Variants in DDX60L observed in about 807,000 individuals in gnomAD.
DDX60L encodes the protein probable ATP-dependent RNA helicase DDX60-like.
A neutral mutation model predicts 211.6 loss-of-function variants in DDX60L; 191 were observed. That is an observed-to-expected ratio of 0.90 (90% CI 0.80 to 1.02). The LOEUF is 1.02. Ranked by LOEUF, DDX60L falls within the 50% of genes least tolerant of loss-of-function variation. DDX60L has a pLI of 0.00. For synonymous variants in DDX60L, 706 were observed against 694.1 expected (o/e 1.02, Z -0.27); for missense variants, 2,007 against 1,984.1 (o/e 1.01, Z -0.22).
chr4:168,429,213 T>G (rs1344461463), intron 13 of DDX60L, among the ~76,000 whole-genome samples: 1 of 152,142 alleles, frequency 6.6e-6, no homozygotes. Flanking sequence ...GACACGATCT[T>G]GGCTCACTGC....
At chr4:168,401,063 A>G (rs1291168777) in intron 25 of DDX60L, 85 bp from the exon 26 acceptor site, 17 of 1,232,682 alleles carry the variant, frequency 1.4e-5, no homozygotes, top group African/African-American at 6.0e-5. Flanking sequence ...AGGCCCCTCA[A>G]TCATCTGAAT....
intron 7 of DDX60L, among the ~76,000 whole-genome samples, chr4:168,453,631 T>C (rs922782141): frequency 2.0e-5 from 3 of 152,166 alleles, no homozygotes; most frequent in Admixed American, 6.5e-5. Context: ...TACAAACCCA[T>C]GGCAGGTTCA....
At chr4:168,425,386 A>G (rs1307038547) in intron 14 of DDX60L, among the ~76,000 whole-genome samples, 1 of 152,232 alleles carries the variant, frequency 6.6e-6, no homozygotes, top group African/African-American at 2.4e-5. Flanking sequence ...CACACGTGAA[A>G]AGGATCTGAG....
intron 36 of DDX60L, among the ~76,000 whole-genome samples, chr4:168,366,760 G>T (rs1740066364): frequency 6.6e-6 from 1 of 151,976 alleles, no homozygotes; most frequent in Non-Finnish European, 1.5e-5. Context: ...AAACAAAACA[G>T]TATGATTCCA....
intron 30 of DDX60L, among the ~76,000 whole-genome samples, chr4:168,381,586 TA>T (rs5863928): frequency 0.91 from 135,819 of 149,788 alleles, 62,647 homozygotes; most frequent in East Asian, 0.99. Flanking sequence ...CAATTTTTTT[TA>T]AAAAAAAAAA....
chr4:168,399,185 C>A (rs978368415), intron 26 of DDX60L, among the ~76,000 whole-genome samples: 4 of 152,220 alleles, frequency 2.6e-5, no homozygotes, highest in African/African-American at 9.6e-5. Context: ...ACCTGTAACA[C>A]AAACAGGGCT....
intron 37 of DDX60L, among the ~76,000 whole-genome samples, chr4:168,360,280 T>A (rs994328856): frequency 6.6e-6 from 1 of 152,186 alleles, no homozygotes; most frequent in African/African-American, 2.4e-5. Context: ...CTGTTTAAAC[T>A]CTTGAGATAC....
At chr4:168,408,956 C>G (rs564256119) in intron 22 of DDX60L, among the ~76,000 whole-genome samples, 5 of 152,302 alleles carry the variant, frequency 3.3e-5, no homozygotes, top group Admixed American at 3.3e-4. Context: ...CCTTTACATT[C>G]TTCTCCTGTT....
intron 8 of DDX60L, among the ~76,000 whole-genome samples, chr4:168,449,675 A>AAAAAAC (rs1755495612): frequency 1.4e-5 from 2 of 142,684 alleles, no homozygotes; most frequent in Non-Finnish European, 3.1e-5. Flanking sequence ...AGAAAAAAGA[A>AAAAAAC]AAAAATTACT....
At chr4:168,371,836 T>C (rs1579208256) in intron 35 of DDX60L, 73 bp from the exon 36 acceptor site, 3 of 1,369,244 alleles carry the variant, frequency 2.2e-6, no homozygotes, top group Non-Finnish European at 3.0e-6. Context: ...GAGATTTCCT[T>C]TGTATGAATC....
At chr4:168,381,891 G>A (rs543926253) in intron 30 of DDX60L, among the ~76,000 whole-genome samples, 1 of 152,184 alleles carries the variant, frequency 6.6e-6, no homozygotes, top group East Asian at 1.9e-4. Context: ...GTTATTATAT[G>A]AAAAACAATA....
In DDX60L at chr4:168,473,907, G is replaced by A. The variant is rs1032786037; in HGVS notation, c.-110-1098C>T. ...AGAACTCAACATTGCCACAGGATTG[G>A]TAAGTAGAAAAGTATTTATAGCCAA... On this transcript the variant is annotated intron_variant, in intron 1 of 37. Coordinates refer to ENST00000682922, the MANE Select transcript of DDX60L (RefSeq NM_001012967.3). Among the ~76,000 whole-genome samples, 3 of 152,174 alleles carry A rather than the reference G, an allele frequency of 2.0e-5. No homozygotes were observed. The South Asian group carries it at 6.2e-4, about 31-fold the overall frequency.
rs200428036 is a variant in DDX60L, at chr4:168,434,866, GA to G, written c.1295-1752del. ...AAACTTAAGCCCTGTTACAGACCCA[GA>G]ACCCCTTGATTGGAGAAAAGGCTAA... On this transcript the variant is annotated intron_variant, in intron 10 of 37. Coordinates refer to ENST00000682922, the MANE Select transcript of DDX60L (RefSeq NM_001012967.3). Among the ~76,000 whole-genome samples, 989 of 152,296 alleles carry G rather than the reference GA, an allele frequency of 6.5e-3. 12 individuals are homozygous for G. Among genetic ancestry groups the G allele is most frequent in the African/African-American group, 0.02 (819 of 41,568 alleles).
At chr4:168,392,006 A>T (rs1299371523) in intron 28 of DDX60L, among the ~76,000 whole-genome samples, 1 of 152,178 alleles carries the variant, frequency 6.6e-6, no homozygotes, top group Non-Finnish European at 1.5e-5. Context: ...ATGGGCATTG[A>T]TCTCTCTTGG....
chr4:168,445,360 C>T (rs759212523), intron 9 of DDX60L, among the ~76,000 whole-genome samples: 3,785 of 144,458 alleles, frequency 0.026, 85 homozygotes, highest in Non-Finnish European at 0.044. Context: ...AGACCAATAA[C>T]AGGAGCTGAA....
rs1175532589 is a variant in DDX60L, at chr4:168,400,874, A to G, written c.3443T>C (p.Phe1148Ser). 10 of 1,613,588 alleles carry G rather than the reference A, an allele frequency of 6.2e-6. No homozygotes were observed. Among genetic ancestry groups the G allele is most frequent in the African/African-American group, 1.3e-5 (1 of 75,030 alleles). Residue 1148 changes from phenylalanine (F) to serine (S), a missense_variant, in exon 26 of 38, where the codon TTT (phenylalanine) becomes TCT (serine). Phe to Ser is a radical substitution (Grantham distance 155, BLOSUM62 -2). Transcript: ENST00000682922. ...HPHTECHSYVFAIDEVLEKVR... is the reference protein window; with the variant it reads ...HPHTECHSYVSAIDEVLEKVR... ...TTTTTCAAGTACTTCATCTATTGCA[A>G]AGACATAACTATGACATTCAGTGTG...
At chr4:168,384,911 T>C in intron 29 of DDX60L, 99 bp from the exon 30 acceptor site, 1 of 1,225,286 alleles carries the variant, frequency 8.2e-7, no homozygotes, top group Non-Finnish European at 1.2e-6. Context: ...GGGATTGTGT[T>C]AAATTGTGTA....
At position 168,438,949 on chromosome 4, in the gene DDX60L, CT is replaced by C. The variant is rs1414139061; in HGVS notation, c.1294+2387del. The stretch of plus-strand genomic sequence containing the variant: ...CATACAATGTAGTCATAATAGTGTG[CT>C]TTGTATCACAGTATTTAGGTTACAG... On this transcript the variant is annotated intron_variant, in intron 10 of 37. Coordinates refer to ENST00000682922, the MANE Select transcript of DDX60L (RefSeq NM_001012967.3). Among the ~76,000 whole-genome samples the C allele has an allele frequency of 2.6e-5, 4 of 152,300 alleles. No homozygotes were observed. The South Asian group carries it at 8.3e-4, about 32-fold the overall frequency.
In DDX60L at chr4:168,403,955, A is replaced by G. The variant is rs757030928; in HGVS notation, c.3338+27T>C. On this transcript the variant is annotated intron_variant, in intron 25 of 37. Transcript: ENST00000682922. ...AACAAAAAATTCTCACATATAAACA[A>G]AGATAAATTAAGTTTCAGTTACTTA... is the stretch of plus-strand genomic sequence containing the variant. 4 of 1,369,176 alleles carry G rather than the reference A, an allele frequency of 2.9e-6. No individual in the cohort carries two copies. The South Asian group carries it at 6.7e-5, about 23-fold the overall frequency. 84.8% of individuals were successfully genotyped at this position (1,369,176 alleles called of 1,614,324 possible). A position where few individuals can be genotyped will look rare whatever the true frequency, so the allele number is the denominator to read the frequency against.
Sources: allele counts gnomAD v4.1 joint callset (sites outside exome capture counted in the v4.1 genomes callset), GRCh38; gene constraint gnomAD v4.1.1; transcripts MANE v1.5; gene names NCBI Gene and HGNC (gene_info 2026-07-23, HGNC 2026-07-21).